Variants in PIANP observed in about 807,000 individuals in gnomAD.
The protein encoded by PIANP is PILR alpha-associated neural protein.
A neutral mutation model predicts 28.9 loss-of-function variants in PIANP; 14 were observed. The ratio of observed to expected loss-of-function variants is 0.49; its 90% CI spans 0.32 to 0.76. The LOEUF is 0.76. Among genes scored for constraint, PIANP ranks in the 30% least tolerant of loss-of-function variants. PIANP has a pLI of 0.03. For missense variants in PIANP, 322 were observed against 371.8 expected, an observed-to-expected ratio of 0.87 and a Z score of 1.10; for synonymous variants, 149 against 156.6, an observed-to-expected ratio of 0.95 and a Z score of 0.36.
rs994142115 is a variant in PIANP at position 6,696,236 on chromosome 12, G to T, written c.605+207C>A. On this transcript the variant is annotated intron_variant, in intron 4 of 4. Transcript: ENST00000534837. This position sits in a 1 kb window ranked among gnomAD's most constrained non-coding sequence, Gnocchi z 4.0. ...AATTCCCCTGCCCTCCCTTATCCTTGTATTTCCCTGGGAGACAGAATCTGC... is the reference window on the plus strand; with the variant it reads ...AATTCCCCTGCCCTCCCTTATCCTTTTATTTCCCTGGGAGACAGAATCTGC... Among the ~76,000 whole-genome samples, 5 of 152,106 alleles carry T rather than the reference G, an allele frequency of 3.3e-5. No individual in the cohort carries two copies. Among genetic ancestry groups the T allele is most frequent in the African/African-American group, 1.2e-4 (5 of 41,408 alleles).
In PIANP at chr12:6,695,673, G is replaced by T. The variant is rs1301734725; in HGVS notation, c.606-22C>A. 3 of 1,478,422 alleles carry T rather than the reference G, an allele frequency of 2.0e-6. No homozygotes were observed. The highest frequency in any genetic ancestry group is 4.6e-5 in the Admixed American group (2 of 43,270). 91.6% of individuals were successfully genotyped at this position (1,478,422 alleles called of 1,614,324 possible). ...CCAGCTGGGGTACCAGAGGAAAAGA[G>T]GTTCTCTTGCACACTCAAGTAGCCC... On this transcript the variant is annotated intron_variant, in intron 4 of 4. Coordinates refer to ENST00000534837, the MANE Select transcript of PIANP (RefSeq NM_001244014.2). This position sits in a 1 kb window ranked among gnomAD's most constrained non-coding sequence, Gnocchi z 4.2.
intron 1 of PIANP, among the ~76,000 whole-genome samples, chr12:6,699,449 G>A (rs1959982059): frequency 6.6e-6 from 1 of 152,028 alleles, no homozygotes; most frequent in Non-Finnish European, 1.5e-5. Flanking sequence ...GTGAGAGAGA[G>A]CAGGCAGTCC....
rs1960021557 is a variant in PIANP at position 6,700,468 on chromosome 12, C to T, written c.-44+146G>A. The T allele has an allele frequency of 6.6e-6, 1 of 152,100 alleles. No homozygotes were observed. The highest frequency in any genetic ancestry group is 1.5e-5 in the Non-Finnish European group (1 of 68,118). 9.4% of individuals were successfully genotyped at this position (152,100 alleles called of 1,614,324 possible). A position where few individuals can be genotyped will look rare whatever the true frequency, so the allele number is the denominator to read the frequency against. ...CCAGGACCGCGGAGGGATGGAGAGC[C>T]CTTCGGGGAAGGGGCGCTGGGAGGC... On this transcript the variant is annotated intron_variant, in intron 1 of 4. Coordinates refer to ENST00000534837, the MANE Select transcript of PIANP (RefSeq NM_001244014.2). The surrounding 1 kb of genome is among the most constrained non-coding windows in gnomAD (Gnocchi z 5.5).
rs774490326 is a variant in PIANP, at chr12:6,695,098, G to T, written c.*328C>A. 1 of 1,564,322 alleles carries T rather than the reference G, an allele frequency of 6.4e-7. No individual in the cohort carries two copies. The highest frequency in any genetic ancestry group is 8.7e-7 in the Non-Finnish European group (1 of 1,154,152). On this transcript the variant is annotated 3_prime_UTR_variant, in exon 5 of 5. Transcript: ENST00000534837. This position sits in a 1 kb window ranked among gnomAD's most constrained non-coding sequence, Gnocchi z 4.2. ...AAAGGGCACAGTCAGGAACCAAGGG[G>T]TAGGCCAGAATAGAAGGGGAAGTTC...
chr12:6,697,646 G>C lies in PIANP; in HGVS notation c.164C>G (p.Pro55Arg). The C allele has an allele frequency of 6.4e-7, 1 of 1,557,694 alleles. No individual in the cohort carries two copies. The highest frequency in any genetic ancestry group is 8.7e-7 in the Non-Finnish European group (1 of 1,150,704). ...TCGCTCCCACACGCACACATGACGT[G>C]GGGCCGAGGGGCCTCCCCTGGCACA... ...PPCARGGPSAPRHVCVWERAP... is the reference protein window; with the variant it reads ...PPCARGGPSARRHVCVWERAP... The change falls in exon 3 of 5, where the codon CCA becomes CGA. Residue 55 changes from proline to arginine, a missense_variant. Physicochemically the swap from Pro to Arg is moderately radical, Grantham distance 103. Coordinates refer to ENST00000534837, the MANE Select transcript of PIANP (RefSeq NM_001244014.2). This position sits in a 1 kb window ranked among gnomAD's most constrained non-coding sequence, Gnocchi z 6.9.
chr12:6,697,831 A>G lies in PIANP; in HGVS notation c.18-39T>C, dbSNP rs977351137. On this transcript the variant is annotated intron_variant, in intron 2 of 4. Coordinates refer to ENST00000534837, the MANE Select transcript of PIANP (RefSeq NM_001244014.2). This position sits in a 1 kb window ranked among gnomAD's most constrained non-coding sequence, Gnocchi z 6.9. Reference sequence around the variant, plus strand: ...GAGAGCGTGGCTGAGACACAGGCCTACTGTGGGCCTATGTGAGGGAGGGAC... The same window carrying G: ...GAGAGCGTGGCTGAGACACAGGCCTGCTGTGGGCCTATGTGAGGGAGGGAC... 5.3e-6 allele frequency: 8 copies of G among 1,505,314 alleles called. No individual in the cohort carries two copies. Among genetic ancestry groups the G allele is most frequent in the Non-Finnish European group, 7.1e-6 (8 of 1,127,814 alleles). 93.2% of individuals were successfully genotyped at this position (1,505,314 alleles called of 1,614,324 possible).
rs1208803964 is a variant in PIANP at position 6,700,045 on chromosome 12, G to A, written c.-44+569C>T. The A allele has an allele frequency of 1.3e-5, 2 of 152,434 alleles. No homozygotes were observed. The highest frequency in any genetic ancestry group is 2.9e-5 in the Non-Finnish European group (2 of 68,304). 9.4% of individuals were successfully genotyped at this position (152,434 alleles called of 1,614,324 possible). A position where few individuals can be genotyped will look rare whatever the true frequency, so the allele number is the denominator to read the frequency against. On this transcript the variant is annotated intron_variant, in intron 1 of 4. Transcript: ENST00000534837. This position sits in a 1 kb window ranked among gnomAD's most constrained non-coding sequence, Gnocchi z 5.5. ...CAGCCAGCGCCAACCCAGTCCCTGGGCCCCGCACAGCTTCAGCCGCCCCCT... is the reference window on the plus strand; with the variant it reads ...CAGCCAGCGCCAACCCAGTCCCTGGACCCCGCACAGCTTCAGCCGCCCCCT...
chr12:6,692,613 C>T (rs1240388658), downstream of PIANP, among the ~76,000 whole-genome samples: 1 of 152,196 alleles, frequency 6.6e-6, no homozygotes, highest in Non-Finnish European at 1.5e-5. Context: ...TCTTCATGCC[C>T]CCAGTGAGTT....
intron 1 of PIANP, chr12:6,699,876 G>A (rs1400081693): frequency 2.0e-5 from 3 of 152,562 alleles, no homozygotes; most frequent in Non-Finnish European, 2.9e-5. Context: ...TGGGAAGAAG[G>A]GAGAGAGAGG....
In PIANP at chr12:6,695,734, T is replaced by C; in HGVS notation, c.606-83A>G. The C allele has an allele frequency of 7.4e-7, 1 of 1,358,014 alleles. No homozygotes were observed. The highest frequency in any genetic ancestry group is 9.5e-7 in the Non-Finnish European group (1 of 1,047,520). The allele number at this position is 1,358,014 out of a possible 1,614,324, so 84.1% of individuals were successfully genotyped here. Reference sequence around the variant, plus strand: ...CCTGCACCAGTGGTCACCCCCAGCCTCGCCCAGTCACTCCCAACATCTTAT... The same window carrying C: ...CCTGCACCAGTGGTCACCCCCAGCCCCGCCCAGTCACTCCCAACATCTTAT... On this transcript the variant is annotated intron_variant, in intron 4 of 4. Coordinates refer to ENST00000534837, the MANE Select transcript of PIANP (RefSeq NM_001244014.2). The surrounding 1 kb of genome is among the most constrained non-coding windows in gnomAD (Gnocchi z 4.2).
At position 6,694,944 on chromosome 12, in the gene PIANP, C is replaced by G. The variant is rs1326032693; in HGVS notation, c.*482G>C. The stretch of plus-strand genomic sequence containing the variant: ...GGCAGGAGCCAGGAGCCCCTGTGGC[C>G]CCAGCTCCCCACAGCTGCCCCACCC... On this transcript the variant is annotated 3_prime_UTR_variant, in exon 5 of 5. Coordinates refer to ENST00000534837, the MANE Select transcript of PIANP (RefSeq NM_001244014.2). The surrounding 1 kb of genome is among the most constrained non-coding windows in gnomAD (Gnocchi z 6.1). 8 of 1,433,300 alleles carry G rather than the reference C, an allele frequency of 5.6e-6. No individual in the cohort carries two copies. The highest frequency in any genetic ancestry group is 7.4e-6 in the Non-Finnish European group (8 of 1,075,020). The allele number at this position is 1,433,300 out of a possible 1,614,324, so 88.8% of individuals were successfully genotyped here. A position where few individuals can be genotyped will look rare whatever the true frequency, so the allele number is the denominator to read the frequency against.
chr12:6,695,542 GCA>G lies in PIANP; in HGVS notation c.713_714del (p.Val238AlafsTer13), dbSNP rs1237825733. The part of the protein sequence containing the change: ...LTDLSPAGVT[V>X]LGAFGDSPTP... ...GTAGGTGAGTCCCCGAAGGCCCCCA[GCA>G]CAGTGACTCCAGCCGGGGACAGGTC... On this transcript the variant is annotated frameshift_variant, in exon 5 of 5. Transcript: ENST00000534837. LOFTEE classifies it high-confidence loss of function. This position sits in a 1 kb window ranked among gnomAD's most constrained non-coding sequence, Gnocchi z 4.2. The G allele has an allele frequency of 6.3e-7, 1 of 1,593,896 alleles. No individual in the cohort carries two copies. Among genetic ancestry groups the G allele is most frequent in the Non-Finnish European group, 8.6e-7 (1 of 1,169,296 alleles).
At chr12:6,693,330 G>A (rs968153349), downstream of PIANP, among the ~76,000 whole-genome samples, 1 of 151,992 alleles carries the variant, frequency 6.6e-6, no homozygotes, top group Non-Finnish European at 1.5e-5. Flanking sequence ...GGCAGGTTAG[G>A]GAGCAAAGCT....
chr12:6,698,145 G>A, intron 1 of PIANP, 41 bp from the exon 2 acceptor site: 1 of 1,440,360 alleles, frequency 6.9e-7, no homozygotes, highest in Non-Finnish European at 9.6e-7. Flanking sequence ...GCCCTGCCCT[G>A]TGTACTTCCC....
Position 6,697,581 on chromosome 12 carries a change from G to C in PIANP, c.229C>G (p.Arg77Gly). 1 of 1,591,650 alleles carries C rather than the reference G, an allele frequency of 6.3e-7. No homozygotes were observed. The highest frequency in any genetic ancestry group is 8.6e-7 in the Non-Finnish European group (1 of 1,169,010). The change falls in exon 3 of 5, where the codon CGT (arginine) becomes GGT (glycine). Residue 77 changes from arginine (R) to glycine (G), a missense_variant. By Grantham distance (125) the Arg-to-Gly change is moderately radical. Transcript: ENST00000534837. This position sits in a 1 kb window ranked among gnomAD's most constrained non-coding sequence, Gnocchi z 6.9. The stretch of plus-strand genomic sequence containing the variant: ...GCAGTGCCAGGCAGGACTTGCCGAC[G>C]TGATCTTGGGACCCGAGGAGATCGG... ...PSRSPRVPRSRRQVLPGTAPP... is the reference protein window; with the variant it reads ...PSRSPRVPRSGRQVLPGTAPP...
rs1490680763 is a variant in PIANP, at chr12:6,695,390, T to C, written c.*36A>G. The C allele has an allele frequency of 7.6e-6, 11 of 1,439,940 alleles. No individual in the cohort carries two copies. Among genetic ancestry groups the C allele is most frequent in the East Asian group, 2.5e-5 (1 of 39,434 alleles). The allele number at this position is 1,439,940 out of a possible 1,614,324, so 89.2% of individuals were successfully genotyped here. A position where few individuals can be genotyped will look rare whatever the true frequency, so the allele number is the denominator to read the frequency against. On this transcript the variant is annotated 3_prime_UTR_variant, in exon 5 of 5. Transcript: ENST00000534837. The surrounding 1 kb of genome is among the most constrained non-coding windows in gnomAD (Gnocchi z 4.2). ...CCCAGCTCTGAAGACCTAAGTTGCC[T>C]TCCCTCTTTGCCCTCCCATCCCATT... is the stretch of plus-strand genomic sequence containing the variant.
rs1267928975 is a variant in PIANP, at chr12:6,695,920, C to T, written c.606-269G>A. ...CAAAATTAATATCCCCTCCCCACCA[C>T]CACAATGTCCTCTCCCCTACATGCC... On this transcript the variant is annotated intron_variant, in intron 4 of 4. Transcript: ENST00000534837. This position sits in a 1 kb window ranked among gnomAD's most constrained non-coding sequence, Gnocchi z 4.2. 6.6e-6 allele frequency among the ~76,000 whole-genome samples: 1 copy of T among 152,128 alleles called. No homozygotes were observed. Among genetic ancestry groups the T allele is most frequent in the Non-Finnish European group, 1.5e-5 (1 of 68,028 alleles).
In PIANP at chr12:6,695,418, C is replaced by G. The variant is rs1270118268; in HGVS notation, c.*8G>C. The G allele has an allele frequency of 1.3e-6, 2 of 1,488,370 alleles. No homozygotes were observed. Among genetic ancestry groups the G allele is most frequent in the Non-Finnish European group, 1.8e-6 (2 of 1,119,848 alleles). The allele number at this position is 1,488,370 out of a possible 1,614,324, so 92.2% of individuals were successfully genotyped here. A position where few individuals can be genotyped will look rare whatever the true frequency, so the allele number is the denominator to read the frequency against. On this transcript the variant is annotated 3_prime_UTR_variant, in exon 5 of 5. Transcript: ENST00000534837. The surrounding 1 kb of genome is among the most constrained non-coding windows in gnomAD (Gnocchi z 4.2). ...CCTCTTTGCCCTCCCATCCCATTGC[C>G]CCTGCCCTCACCGGTTCAACTGGAA... is the stretch of plus-strand genomic sequence containing the variant.
In PIANP at chr12:6,697,680, G is replaced by A. The variant is rs1352362717; in HGVS notation, c.130C>T (p.Arg44Cys). ...GGGCCTCCCCTGGCACACGGGGGGC[G>A]GGCTGGGGCTGGTGGGGTTCGAGGG... ...SSPRTPPAPA[R>C]PPCARGGPSA... The change falls in exon 3 of 5, where the codon CGC (arginine) becomes TGC (cysteine). Residue 44 changes from arginine (R) to cysteine (C), a missense_variant. Physicochemically the swap from Arg to Cys is radical, Grantham distance 180 (BLOSUM62 -3). Transcript: ENST00000534837. The surrounding 1 kb of genome is among the most constrained non-coding windows in gnomAD (Gnocchi z 6.9). 9 of 1,556,074 alleles carry A rather than the reference G, an allele frequency of 5.8e-6. No homozygotes were observed. Among genetic ancestry groups the A allele is most frequent in the East Asian group, 2.4e-5 (1 of 41,762 alleles).
Sources: gnomAD v4.1 joint callset for allele counts (sites outside exome capture counted in the v4.1 genomes callset) on GRCh38, gnomAD v4.1.1 for gene constraint, Gnocchi (gnomAD v3.1) non-coding constraint, MANE v1.5 for transcripts, NCBI Gene and HGNC (gene_info 2026-07-23, HGNC 2026-07-21) for gene names.